The following BCL2L2 variants were observed in gnomAD, a reference collection of about 807,000 sequenced individuals.
BCL2L2 encodes the protein BCL2 like 2.
In BCL2L2, 6 loss-of-function variants were observed where a neutral mutation model predicts 14.6. That is an observed-to-expected ratio of 0.41 (90% confidence interval 0.22 to 0.81). The LOEUF (loss-of-function observed/expected upper bound fraction) is 0.81, where lower values mean the gene tolerates loss of function less well. BCL2L2 is among the 30% of genes least tolerant of loss of function. The probability of loss-of-function intolerance (pLI) is 0.32; values close to 1 mark genes in which losing one functional copy is unlikely to be tolerated. For missense variants in BCL2L2, 191 were observed against 260.5 expected (o/e 0.73, Z 1.84); for synonymous variants, 90 against 108.5 (o/e 0.83, Z 1.06).
chr14:23,311,592 G>A lies in BCL2L2; in HGVS notation c.*2627G>A. 1 of 982,198 alleles carries A rather than the reference G, an allele frequency of 1.0e-6. No homozygotes were observed. Among genetic ancestry groups the A allele is most frequent in the Non-Finnish European group, 1.2e-6 (1 of 827,148 alleles). 60.8% of individuals were successfully genotyped at this position (982,198 alleles called of 1,614,324 possible). The stretch of plus-strand genomic sequence containing the variant: ...AATCATAAAACGGCAGAACAGATTT[G>A]GTTAGTTTAGAAGAAAAGAAAGCTC... On this transcript the variant is annotated 3_prime_UTR_variant, in exon 4 of 4. Coordinates refer to ENST00000250405, the MANE Select transcript of BCL2L2 (RefSeq NM_004050.5).
rs766820087 is a variant in BCL2L2 at position 23,308,808 on chromosome 14, T to A, written c.433-8T>A. ...TTCTTTCTCTCCTGCTTCCCTTCTC[T>A]CCCACAGGCGGAGTTCACAGCTCTA... is the stretch of plus-strand genomic sequence containing the variant. On this transcript the variant is annotated splice_polypyrimidine_tract_variant and splice_region_variant and intron_variant, in intron 3 of 3. Coordinates refer to ENST00000250405, the MANE Select transcript of BCL2L2 (RefSeq NM_004050.5). This position sits in a 1 kb window ranked among gnomAD's most constrained non-coding sequence, Gnocchi z 5.4. 1.5e-5 allele frequency: 20 copies of A among 1,320,152 alleles called. No homozygotes were observed. The highest frequency in any genetic ancestry group is 1.9e-5 in the Non-Finnish European group (19 of 1,026,644). 81.8% of individuals were successfully genotyped at this position (1,320,152 alleles called of 1,614,324 possible).
rs111480091 is a variant in BCL2L2 at position 23,309,512 on chromosome 14, A to G, written c.*547A>G. 6 of 985,878 alleles carry G rather than the reference A, an allele frequency of 6.1e-6. No homozygotes were observed. The highest frequency in any genetic ancestry group is 7.2e-6 in the Non-Finnish European group (6 of 830,224). The allele number at this position is 985,878 out of a possible 1,614,324, so 61.1% of individuals were successfully genotyped here. A position where few individuals can be genotyped will look rare whatever the true frequency, so the allele number is the denominator to read the frequency against. The stretch of plus-strand genomic sequence containing the variant: ...TGATGGGATTCCTCAAGGAGAAAAC[A>G]TTCCCTCTTGCAATGGCAAGAACTA... On this transcript the variant is annotated 3_prime_UTR_variant, in exon 4 of 4. Coordinates refer to ENST00000250405, the MANE Select transcript of BCL2L2 (RefSeq NM_004050.5).
At position 23,308,092 on chromosome 14, in the gene BCL2L2, G is replaced by A; in HGVS notation, c.325G>A (p.Glu109Lys). The change falls in exon 3 of 4, where the codon GAG (glutamate) becomes AAG (lysine). Residue 109 changes from glutamate (E) to lysine (K), a missense_variant. Physicochemically the swap from Glu to Lys is moderately conservative, Grantham distance 56 (BLOSUM62 1). Coordinates refer to ENST00000250405, the MANE Select transcript of BCL2L2 (RefSeq NM_004050.5). This position sits in a 1 kb window ranked among gnomAD's most constrained non-coding sequence, Gnocchi z 5.4. ...TGTCTTTGGGGCTGCACTGTGTGCT[G>A]AGAGTGTCAACAAGGAGATGGAACC... ...FFVFGAALCA[E>K]SVNKEMEPLV... 3 of 1,613,968 alleles carry A rather than the reference G, an allele frequency of 1.9e-6. No homozygotes were observed. Among genetic ancestry groups the A allele is most frequent in the Non-Finnish European group, 2.5e-6 (3 of 1,180,040 alleles).
chr14:23,308,301 A>C lies in BCL2L2; in HGVS notation c.432+102A>C. 2 of 1,434,542 alleles carry C rather than the reference A, an allele frequency of 1.4e-6. No individual in the cohort carries two copies. The highest frequency in any genetic ancestry group is 9.2e-7 in the Non-Finnish European group (1 of 1,092,646). 88.9% of individuals were successfully genotyped at this position (1,434,542 alleles called of 1,614,324 possible). A position where few individuals can be genotyped will look rare whatever the true frequency, so the allele number is the denominator to read the frequency against. On this transcript the variant is annotated intron_variant, in intron 3 of 3. Coordinates refer to ENST00000250405, the MANE Select transcript of BCL2L2 (RefSeq NM_004050.5). The surrounding 1 kb of genome is among the most constrained non-coding windows in gnomAD (Gnocchi z 5.4). ...TGGAGGCTGAGGCAGCTATGTTGGG[A>C]ATGAGGTACGGGGCTGAGTCTCCCC...
Position 23,308,256 on chromosome 14 carries a change from G to A in BCL2L2, c.432+57G>A. The A allele has an allele frequency of 6.6e-7, 1 of 1,507,294 alleles. No individual in the cohort carries two copies. The highest frequency in any genetic ancestry group is 8.8e-7 in the Non-Finnish European group (1 of 1,132,564). 93.4% of individuals were successfully genotyped at this position (1,507,294 alleles called of 1,614,324 possible). ...TCCTTCTGCAAAGCTGGTCTCCAGG[G>A]GGAAGATGGGGGCTCTGATTGGAGG... On this transcript the variant is annotated intron_variant, in intron 3 of 3. Coordinates refer to ENST00000250405, the MANE Select transcript of BCL2L2 (RefSeq NM_004050.5). This position sits in a 1 kb window ranked among gnomAD's most constrained non-coding sequence, Gnocchi z 5.4.
At position 23,308,490 on chromosome 14, in the gene BCL2L2, G is replaced by T. The variant is rs952477118; in HGVS notation, c.432+291G>T. Among the ~76,000 whole-genome samples the T allele has an allele frequency of 6.6e-6, 1 of 152,120 alleles. No homozygotes were observed. The highest frequency in any genetic ancestry group is 1.5e-5 in the Non-Finnish European group (1 of 68,020). ...GGACTTTTTACATCTGAGTCATGGCGTGGGAGGTGGGGAGGACCAGGGATG... is the reference window on the plus strand; with the variant it reads ...GGACTTTTTACATCTGAGTCATGGCTTGGGAGGTGGGGAGGACCAGGGATG... On this transcript the variant is annotated intron_variant, in intron 3 of 3. Transcript: ENST00000250405. The surrounding 1 kb of genome is among the most constrained non-coding windows in gnomAD (Gnocchi z 5.4).
At position 23,308,836 on chromosome 14, in the gene BCL2L2, C is replaced by CG; in HGVS notation, c.457dup (p.Asp153GlyfsTer40). The CG allele has an allele frequency of 7.6e-7, 1 of 1,321,740 alleles. No homozygotes were observed. Among genetic ancestry groups the CG allele is most frequent in the Admixed American group, 3.0e-5 (1 of 32,912 alleles). 81.9% of individuals were successfully genotyped at this position (1,321,740 alleles called of 1,614,324 possible). On this transcript the variant is annotated frameshift_variant, in exon 4 of 4. Transcript: ENST00000250405. LOFTEE classifies it high-confidence loss of function. The surrounding 1 kb of genome is among the most constrained non-coding windows in gnomAD (Gnocchi z 5.4). ...CACAGGCGGAGTTCACAGCTCTATA[C>CG]GGGGACGGGGCCCTGGAGGAGGCGC...
rs768295943 is a variant in BCL2L2, at chr14:23,309,588, C to T, written c.*623C>T. ...AACCCCTCCTTTCCCCTGCCCTTGT[C>T]CTGATGCCTCAAGGCTTAGAGAGAA... is the stretch of plus-strand genomic sequence containing the variant. On this transcript the variant is annotated 3_prime_UTR_variant, in exon 4 of 4. Coordinates refer to ENST00000250405, the MANE Select transcript of BCL2L2 (RefSeq NM_004050.5). 1 of 985,580 alleles carries T rather than the reference C, an allele frequency of 1.0e-6. No homozygotes were observed. Among genetic ancestry groups the T allele is most frequent in the Non-Finnish European group, 1.2e-6 (1 of 830,002 alleles). 61.1% of individuals were successfully genotyped at this position (985,580 alleles called of 1,614,324 possible). A position where few individuals can be genotyped will look rare whatever the true frequency, so the allele number is the denominator to read the frequency against.
chr14:23,309,318 T>G lies in BCL2L2; in HGVS notation c.*353T>G. 2 of 1,065,630 alleles carry G rather than the reference T, an allele frequency of 1.9e-6. No homozygotes were observed. The highest frequency in any genetic ancestry group is 2.3e-6 in the Non-Finnish European group (2 of 882,024). The allele number at this position is 1,065,630 out of a possible 1,614,324, so 66.0% of individuals were successfully genotyped here. On this transcript the variant is annotated 3_prime_UTR_variant, in exon 4 of 4. Transcript: ENST00000250405. ...GACTTACATAAGCAGCTGTATTCCA[T>G]TAGATGAGTGGGATTTAGGGAACGC...
In BCL2L2 at chr14:23,307,746, C is replaced by A; in HGVS notation, c.-8-14C>A. On this transcript the variant is annotated splice_polypyrimidine_tract_variant and intron_variant, in intron 2 of 3. Transcript: ENST00000250405. The stretch of plus-strand genomic sequence containing the variant: ...CATATATTCATGCCAGTCTTTCATC[C>A]TTGCCTCTTATAGCCGCCCGGATGG... The A allele has an allele frequency of 6.6e-7, 1 of 1,517,874 alleles. No homozygotes were observed. Among genetic ancestry groups the A allele is most frequent in the South Asian group, 1.3e-5 (1 of 75,198 alleles). The allele number at this position is 1,517,874 out of a possible 1,614,324, so 94.0% of individuals were successfully genotyped here.
At chr14:23,307,473 G>A (rs1039531319) in intron 2 of BCL2L2, among the ~76,000 whole-genome samples, 194 bp downstream of exon 2, 7 of 152,202 alleles carry the variant, frequency 4.6e-5, no homozygotes, top group Admixed American at 3.9e-4. Flanking sequence ...TGTTGTAGGG[G>A]TGTCATTGAG....
chr14:23,309,514 TC>T lies in BCL2L2; in HGVS notation c.*552del. The T allele has an allele frequency of 1.0e-6, 1 of 985,778 alleles. No individual in the cohort carries two copies. Among genetic ancestry groups the T allele is most frequent in the Non-Finnish European group, 1.2e-6 (1 of 830,188 alleles). The allele number at this position is 985,778 out of a possible 1,614,324, so 61.1% of individuals were successfully genotyped here. ...ATGGGATTCCTCAAGGAGAAAACAT[TC>T]CCTCTTGCAATGGCAAGAACTAGGG... On this transcript the variant is annotated 3_prime_UTR_variant, in exon 4 of 4. Transcript: ENST00000250405.
At position 23,308,308 on chromosome 14, in the gene BCL2L2, T is replaced by A. The variant is rs1594978650; in HGVS notation, c.432+109T>A. On this transcript the variant is annotated intron_variant, in intron 3 of 3. Coordinates refer to ENST00000250405, the MANE Select transcript of BCL2L2 (RefSeq NM_004050.5). The surrounding 1 kb of genome is among the most constrained non-coding windows in gnomAD (Gnocchi z 5.4). Reference sequence around the variant, plus strand: ...TGAGGCAGCTATGTTGGGAATGAGGTACGGGGCTGAGTCTCCCCGTCTGGA... The same window carrying A: ...TGAGGCAGCTATGTTGGGAATGAGGAACGGGGCTGAGTCTCCCCGTCTGGA... 7.2e-7 allele frequency: 1 copy of A among 1,398,504 alleles called. No homozygotes were observed. The highest frequency in any genetic ancestry group is 1.5e-5 in the African/African-American group (1 of 68,956). The allele number at this position is 1,398,504 out of a possible 1,614,324, so 86.6% of individuals were successfully genotyped here. A position where few individuals can be genotyped will look rare whatever the true frequency, so the allele number is the denominator to read the frequency against.
chr14:23,311,508 A>G lies in BCL2L2; in HGVS notation c.*2543A>G. The G allele has an allele frequency of 1.0e-6, 1 of 997,472 alleles. No individual in the cohort carries two copies. Among genetic ancestry groups the G allele is most frequent in the Non-Finnish European group, 1.2e-6 (1 of 838,228 alleles). 61.8% of individuals were successfully genotyped at this position (997,472 alleles called of 1,614,324 possible). Reference sequence around the variant, plus strand: ...GGAAGTAGGGCAACTCGGTCCTGCGATTATTAATCCCACTCCCCACTTATT... The same window carrying G: ...GGAAGTAGGGCAACTCGGTCCTGCGGTTATTAATCCCACTCCCCACTTATT... On this transcript the variant is annotated 3_prime_UTR_variant, in exon 4 of 4. Transcript: ENST00000250405.
rs1430960145 is a variant in BCL2L2 at position 23,310,902 on chromosome 14, G to T, written c.*1937G>T. 7.8e-7 allele frequency: 1 copy of T among 1,288,486 alleles called. No homozygotes were observed. The highest frequency in any genetic ancestry group is 1.0e-6 in the Non-Finnish European group (1 of 988,006). The allele number at this position is 1,288,486 out of a possible 1,614,324, so 79.8% of individuals were successfully genotyped here. On this transcript the variant is annotated 3_prime_UTR_variant, in exon 4 of 4. Coordinates refer to ENST00000250405, the MANE Select transcript of BCL2L2 (RefSeq NM_004050.5). ...TTTTATTTGCATTAAGGGGTTTGCT[G>T]CTGAAAAAAAGTTGGAAAACCACTG...
At position 23,309,887 on chromosome 14, in the gene BCL2L2, T is replaced by G; in HGVS notation, c.*922T>G. 1.0e-6 allele frequency: 1 copy of G among 985,474 alleles called. No individual in the cohort carries two copies. Among genetic ancestry groups the G allele is most frequent in the Non-Finnish European group, 1.2e-6 (1 of 829,948 alleles). The allele number at this position is 985,474 out of a possible 1,614,324, so 61.0% of individuals were successfully genotyped here. Reference sequence around the variant, plus strand: ...GTGTTTCCAATCTCTGGGACCTCTGTACCCAAACTGAAACTCTAAATTGGG... The same window carrying G: ...GTGTTTCCAATCTCTGGGACCTCTGGACCCAAACTGAAACTCTAAATTGGG... On this transcript the variant is annotated 3_prime_UTR_variant, in exon 4 of 4. Transcript: ENST00000250405.
rs1887391840 is a variant in BCL2L2 at position 23,308,421 on chromosome 14, A to G, written c.432+222A>G. On this transcript the variant is annotated intron_variant, in intron 3 of 3. Coordinates refer to ENST00000250405, the MANE Select transcript of BCL2L2 (RefSeq NM_004050.5). This position sits in a 1 kb window ranked among gnomAD's most constrained non-coding sequence, Gnocchi z 5.4. ...ATGGGCTCATGGTCCCAAGCAGAGGACAGAATACACACCCAAGGAGTGCCT... is the reference window on the plus strand; with the variant it reads ...ATGGGCTCATGGTCCCAAGCAGAGGGCAGAATACACACCCAAGGAGTGCCT... Among the ~76,000 whole-genome samples, 1 of 152,070 alleles carries G rather than the reference A, an allele frequency of 6.6e-6. No individual in the cohort carries two copies. Among genetic ancestry groups the G allele is most frequent in the Admixed American group, 6.5e-5 (1 of 15,276 alleles).
At position 23,308,334 on chromosome 14, in the gene BCL2L2, T is replaced by C. The variant is rs955867423; in HGVS notation, c.432+135T>C. 3.9e-6 allele frequency: 5 copies of C among 1,283,878 alleles called. No individual in the cohort carries two copies. The Admixed American group carries it at 1.4e-4, about 37-fold the overall frequency. 79.5% of individuals were successfully genotyped at this position (1,283,878 alleles called of 1,614,324 possible). A position where few individuals can be genotyped will look rare whatever the true frequency, so the allele number is the denominator to read the frequency against. On this transcript the variant is annotated intron_variant, in intron 3 of 3. Coordinates refer to ENST00000250405, the MANE Select transcript of BCL2L2 (RefSeq NM_004050.5). The surrounding 1 kb of genome is among the most constrained non-coding windows in gnomAD (Gnocchi z 5.4). ...ACGGGGCTGAGTCTCCCCGTCTGGA[T>C]GGAATTAGATTGAGAGATGCCTGGA...
Position 23,309,127 on chromosome 14 carries a change from C to T in BCL2L2, c.*162C>T, listed in dbSNP as rs934718157. The T allele has an allele frequency of 2.3e-5, 28 of 1,229,738 alleles. No homozygotes were observed. The highest frequency in any genetic ancestry group is 6.5e-5 in the East Asian group (2 of 30,666). The allele number at this position is 1,229,738 out of a possible 1,614,324, so 76.2% of individuals were successfully genotyped here. ...GAGGGAGCTGAGTAGGCCAGGTAGG[C>T]GATTGGAAGAGTGAGCAGGACACAG... is the stretch of plus-strand genomic sequence containing the variant. On this transcript the variant is annotated 3_prime_UTR_variant, in exon 4 of 4. Coordinates refer to ENST00000250405, the MANE Select transcript of BCL2L2 (RefSeq NM_004050.5).
Sources: allele counts gnomAD v4.1 joint callset (sites outside exome capture counted in the v4.1 genomes callset), GRCh38; gene constraint gnomAD v4.1.1; non-coding constraint Gnocchi (gnomAD v3.1); transcripts MANE v1.5; gene names NCBI Gene and HGNC (gene_info 2026-07-23, HGNC 2026-07-21).